The following PKNOX2 variants were observed in gnomAD, a reference collection of about 807,000 sequenced individuals.
PKNOX2 encodes PBX/knotted 1 homeobox 2, also known as homeobox protein PKNOX2.
In PKNOX2, 14 loss-of-function variants were observed where a neutral mutation model predicts 53.1. The observed-to-expected ratio is 0.26, with a 90% CI of 0.17 to 0.41. PKNOX2 has a LOEUF of 0.41. Ranked by LOEUF, PKNOX2 falls within the 10% of genes least tolerant of loss-of-function variation. The pLI, the probability that PKNOX2 is intolerant of heterozygous loss-of-function variation, is 1.00. For synonymous variants in PKNOX2, 257 were observed against 242.8 expected (o/e 1.06, Z -0.54); for missense variants, 496 against 602.8 (o/e 0.82, Z 1.85).
At chr11:125,169,872 C>G (rs1332079859) in intron 1 of PKNOX2, among the ~76,000 whole-genome samples, 2 of 152,222 alleles carry the variant, frequency 1.3e-5, no homozygotes, top group Non-Finnish European at 2.9e-5. Flanking sequence ...CCTGCTGTGA[C>G]TCCAAAAACC....
chr11:125,314,489 TC>T (rs905602898), intron 2 of PKNOX2, among the ~76,000 whole-genome samples: 2 of 152,082 alleles, frequency 1.3e-5, no homozygotes, highest in African/African-American at 4.8e-5. Flanking sequence ...GCATGCTGCT[TC>T]CCCGCATGCT....
At position 125,430,007 on chromosome 11, in the gene PKNOX2, C is replaced by A. The variant is rs936361952; in HGVS notation, c.1058C>A (p.Ala353Asp). 1 of 1,614,034 alleles carries A rather than the reference C, an allele frequency of 6.2e-7. No individual in the cohort carries two copies. The highest frequency in any genetic ancestry group is 1.3e-5 in the African/African-American group (1 of 74,906). ...RRRILQPMLDASNPDPAPKAK... is the reference protein window; with the variant it reads ...RRRILQPMLDDSNPDPAPKAK... ...CGCATCCTGCAGCCCATGCTTGATG[C>A]CAGCAACCCAGATCCTGCCCCCAAA... is the stretch of plus-strand genomic sequence containing the variant. The change falls in exon 12 of 13, where the codon GCC (alanine) becomes GAC (aspartate). Residue 353 changes from alanine to aspartate, a missense_variant. Ala to Asp is a moderately radical substitution (Grantham distance 126). Around this residue, in one of 5 missense-constraint regions of PKNOX2, gnomAD observed 139 missense variants for 161.3 expected, o/e 0.86. Transcript: ENST00000298282.
chr11:125,426,450 G>T (rs2135676941), intron 10 of PKNOX2, among the ~76,000 whole-genome samples: 1 of 152,228 alleles, frequency 6.6e-6, no homozygotes, highest in East Asian at 1.9e-4. Flanking sequence ...CCAGGATGCG[G>T]CAGATGCCCA....
intron 2 of PKNOX2, among the ~76,000 whole-genome samples, chr11:125,278,123 G>C (rs767221252): frequency 4.6e-5 from 7 of 152,080 alleles, no homozygotes; most frequent in Admixed American, 2.0e-4. Context: ...GGAGGCTGAG[G>C]TGGGAGGATC....
intron 5 of PKNOX2, among the ~76,000 whole-genome samples, chr11:125,368,957 G>A (rs940904125): frequency 1.3e-5 from 2 of 152,138 alleles, no homozygotes; most frequent in East Asian, 1.9e-4. Flanking sequence ...AGTGTGGCTC[G>A]CCTCTGGCTG....
chr11:125,214,765 CCCT>C (rs1940285372), intron 1 of PKNOX2, among the ~76,000 whole-genome samples: 1 of 152,166 alleles, frequency 6.6e-6, no homozygotes, highest in South Asian at 2.1e-4. Flanking sequence ...TCCCTCTCCA[CCCT>C]CCTCTTTTTC....
chr11:125,197,490 T>A (rs1477592452), intron 1 of PKNOX2, among the ~76,000 whole-genome samples: 2 of 152,082 alleles, frequency 1.3e-5, no homozygotes, highest in African/African-American at 4.8e-5. Context: ...AACCTATTAT[T>A]CAGCCCAAGA....
chr11:125,310,463 C>T (rs1948733252), intron 2 of PKNOX2, among the ~76,000 whole-genome samples: 1 of 151,620 alleles, frequency 6.6e-6, no homozygotes, highest in Non-Finnish European at 1.5e-5. Flanking sequence ...CCACTGCACT[C>T]CAGCCTGTGA....
rs1954923193 is a variant in PKNOX2, at chr11:125,166,949, A to G, written c.-201+2173A>G. 6.6e-6 allele frequency among the ~76,000 whole-genome samples: 1 copy of G among 152,152 alleles called. No individual in the cohort carries two copies. The highest frequency in any genetic ancestry group is 2.4e-5 in the African/African-American group (1 of 41,442). On this transcript the variant is annotated intron_variant, in intron 1 of 12. Coordinates refer to ENST00000298282, the MANE Select transcript of PKNOX2 (RefSeq NM_001382323.2). The surrounding 1 kb of genome is among the most constrained non-coding windows in gnomAD (Gnocchi z 4.0). The stretch of plus-strand genomic sequence containing the variant: ...CCAAATCTGAGAATGATGGTGTTCA[A>G]ACATAACACGGTGTATTACCCAAAG...
intron 1 of PKNOX2, among the ~76,000 whole-genome samples, chr11:125,184,621 G>T (rs984723521): frequency 3.3e-5 from 5 of 152,202 alleles, no homozygotes; most frequent in African/African-American, 2.4e-5. Flanking sequence ...AGCATAGCCT[G>T]CAGTGCTGGG....
chr11:125,214,007 C>T (rs1198416867), intron 1 of PKNOX2, among the ~76,000 whole-genome samples: 2 of 152,054 alleles, frequency 1.3e-5, no homozygotes, highest in Admixed American at 6.6e-5. Context: ...TCGGCTATCT[C>T]ACTTCCTCAC....
At chr11:125,347,025 T>C (rs981134511) in intron 3 of PKNOX2, among the ~76,000 whole-genome samples, 1 of 152,066 alleles carries the variant, frequency 6.6e-6, no homozygotes, top group African/African-American at 2.4e-5. Flanking sequence ...AGGGACTCAC[T>C]TCCCCGGGGC....
chr11:125,357,905 C>A (rs555205904), intron 4 of PKNOX2, among the ~76,000 whole-genome samples: 8 of 152,310 alleles, frequency 5.3e-5, no homozygotes, highest in Admixed American at 3.9e-4. Flanking sequence ...ATTCGATAAA[C>A]ATTGAGTGTG....
Position 125,255,364 on chromosome 11 carries a change from C to A in PKNOX2, c.-130+20249C>A, listed in dbSNP as rs1029386542. On this transcript the variant is annotated intron_variant, in intron 2 of 12. Transcript: ENST00000298282. ...GCCTCGCTCATATCATGAGGTTGGG[C>A]ATTTGAAATGAGCCCAGCCCACCCC... 2.6e-5 allele frequency among the ~76,000 whole-genome samples: 4 copies of A among 152,312 alleles called. No homozygotes were observed. In the East Asian group the frequency reaches 5.8e-4, roughly 22 times the overall value.
chr11:125,338,894 T>G (rs903818326), intron 3 of PKNOX2, among the ~76,000 whole-genome samples: 1 of 152,206 alleles, frequency 6.6e-6, no homozygotes, highest in Non-Finnish European at 1.5e-5. Flanking sequence ...AAGGCAGGAC[T>G]CTTTCTTTCC....
chr11:125,365,811 G>A (rs1220955722), intron 4 of PKNOX2, among the ~76,000 whole-genome samples: 1 of 152,088 alleles, frequency 6.6e-6, no homozygotes, highest in African/African-American at 2.4e-5. Flanking sequence ...ACCTTGCTGA[G>A]GTCACTTACA....
rs73628703 is a variant in PKNOX2, at chr11:125,371,110, C to T, written c.227+3125C>T. 9.3e-3 allele frequency among the ~76,000 whole-genome samples: 1,411 copies of T among 151,966 alleles called. 29 individuals carry two copies. Among genetic ancestry groups the T allele is most frequent in the African/African-American group, 0.032 (1,324 of 41,440 alleles). On this transcript the variant is annotated intron_variant, in intron 5 of 12. Coordinates refer to ENST00000298282, the MANE Select transcript of PKNOX2 (RefSeq NM_001382323.2). ...GATGTGGAAACTGTGGGGTGGGGGA[C>T]GGAGGGCAGCGTCTGTCTTTAATTG...
At chr11:125,419,244 G>C (rs1956043113) in intron 10 of PKNOX2, among the ~76,000 whole-genome samples, 1 of 151,860 alleles carries the variant, frequency 6.6e-6, no homozygotes, top group African/African-American at 2.4e-5. Context: ...AACAGGAGCT[G>C]CAATATCCAG....
intron 1 of PKNOX2, among the ~76,000 whole-genome samples, chr11:125,217,091 TCACA>T (rs1441971283): frequency 6.7e-6 from 1 of 149,890 alleles, no homozygotes; most frequent in Non-Finnish European, 1.5e-5. Context: ...AGAGTCACAC[TCACA>T]CACATGCATG....
Sources: gnomAD v4.1 joint callset for allele counts (sites outside exome capture counted in the v4.1 genomes callset) on GRCh38, gnomAD v4.1.1 for gene constraint, gnomAD v4.1.1 regional missense constraint, Gnocchi (gnomAD v3.1) non-coding constraint, MANE v1.5 for transcripts, NCBI Gene and HGNC (gene_info 2026-07-23, HGNC 2026-07-21) for gene names.